The following CCDC15 variants were observed in gnomAD, a reference collection of about 807,000 sequenced individuals.
The protein encoded by CCDC15 is coiled-coil domain-containing protein 15.
CCDC15 carries 105 observed loss-of-function variants against 114.5 expected under a neutral mutation model. That is an observed-to-expected ratio of 0.92 (90% CI 0.78 to 1.08). CCDC15 has a LOEUF of 1.08. Ranked by LOEUF, CCDC15 falls within the 50% of genes least tolerant of loss-of-function variation. CCDC15 has a pLI of 0.00. For missense variants in CCDC15, 1,105 were observed against 1,093.6 expected (o/e 1.01, Z -0.15); for synonymous variants, 334 against 377.8 (o/e 0.88, Z 1.34).
chr11:124,984,835 C>G (rs1203742361), intron 6 of CCDC15, among the ~76,000 whole-genome samples: 1 of 152,132 alleles, frequency 6.6e-6, no homozygotes, highest in African/African-American at 2.4e-5. Context: ...TGTGTCTTCC[C>G]TCTGTCCACT....
chr11:124,987,383 CAG>C lies in CCDC15; in HGVS notation c.1159_1160del (p.Glu387AsnfsTer12), dbSNP rs1385065742. The C allele has an allele frequency of 6.2e-7, 1 of 1,613,874 alleles. No homozygotes were observed. The highest frequency in any genetic ancestry group is 8.5e-7 in the Non-Finnish European group (1 of 1,179,896). ...GAGCCAGAAGGCCAGCCTATTAAGACAGAAACTCAGGGTATTATGCTGAAAGC... is the reference window on the plus strand; with the variant it reads ...GAGCCAGAAGGCCAGCCTATTAAGACAAACTCAGGGTATTATGCTGAAAGC... On this transcript the variant is annotated frameshift_variant, in exon 8 of 16. Coordinates refer to ENST00000344762, the MANE Select transcript of CCDC15 (RefSeq NM_025004.3). LOFTEE classifies it high-confidence loss of function.
intron 4 of CCDC15, among the ~76,000 whole-genome samples, chr11:124,974,757 G>T: frequency 6.6e-6 from 1 of 152,154 alleles, no homozygotes; most frequent in Non-Finnish European, 1.5e-5. Context: ...TGGATAGAAG[G>T]TAAGGAATGT....
chr11:124,996,140 C>T (rs1342292630), intron 11 of CCDC15, among the ~76,000 whole-genome samples: 2 of 151,974 alleles, frequency 1.3e-5, no homozygotes, highest in African/African-American at 4.8e-5. Context: ...CATCTTTTCA[C>T]CTTTTACGCT....
At chr11:124,986,712 C>CGG in intron 6 of CCDC15, 30 bp from the exon 7 acceptor site, 1 of 1,438,802 alleles carries the variant, frequency 7.0e-7, no homozygotes, top group South Asian at 1.4e-5. Flanking sequence ...CGCGCGCGCG[C>CGG]GTGCGCGTTT....
intron 13 of CCDC15, among the ~76,000 whole-genome samples, chr11:125,030,929 A>G (rs1031118999): frequency 6.6e-6 from 1 of 152,142 alleles, no homozygotes; most frequent in African/African-American, 2.4e-5. Flanking sequence ...CTCACATGGG[A>G]TACAAATATC....
chr11:125,030,167 A>G (rs892968255), intron 13 of CCDC15, among the ~76,000 whole-genome samples: 3 of 151,974 alleles, frequency 2.0e-5, no homozygotes, highest in African/African-American at 7.3e-5. Context: ...TGCTACTTCC[A>G]CCCCTTGATT....
intron 11 of CCDC15, among the ~76,000 whole-genome samples, chr11:124,994,357 A>G (rs775245428): frequency 1.3e-5 from 2 of 152,214 alleles, no homozygotes; most frequent in Non-Finnish European, 2.9e-5. Flanking sequence ...AGGCTGATCA[A>G]GAAGCACATT....
intron 4 of CCDC15, 125 bp downstream of exon 4, chr11:124,960,128 C>T (rs1020122953): frequency 5.7e-6 from 3 of 521,872 alleles, no homozygotes; most frequent in Non-Finnish European, 8.6e-6. Flanking sequence ...TTTTGATAAT[C>T]ATCCCCCTTT....
intron 4 of CCDC15, among the ~76,000 whole-genome samples, chr11:124,968,744 G>A (rs777153991): frequency 3.3e-5 from 5 of 152,130 alleles, no homozygotes; most frequent in Admixed American, 6.5e-5. Flanking sequence ...CGTCGATCAC[G>A]CTGGGAGCTG....
In CCDC15 at chr11:124,954,380, C is replaced by T. The variant is rs1313308792; in HGVS notation, c.-10+10C>T. On this transcript the variant is annotated intron_variant, in intron 1 of 15. Coordinates refer to ENST00000344762, the MANE Select transcript of CCDC15 (RefSeq NM_025004.3). ...TCGGCTGCAGACACAGGTCCCCGCC[C>T]CTCCCTCTTTCTCCGGGTTGCAGCT... 4 of 197,466 alleles carry T rather than the reference C, an allele frequency of 2.0e-5. No homozygotes were observed. The highest frequency in any genetic ancestry group is 3.2e-5 in the Non-Finnish European group (3 of 94,140). The allele number at this position is 197,466 out of a possible 1,614,324, so 12.2% of individuals were successfully genotyped here.
At chr11:124,957,863 G>A (rs940744705) in intron 2 of CCDC15, among the ~76,000 whole-genome samples, 2 of 152,188 alleles carry the variant, frequency 1.3e-5, no homozygotes, top group African/African-American at 4.8e-5. Context: ...CACTGAGTTA[G>A]AAGGAATAGG....
intron 13 of CCDC15, among the ~76,000 whole-genome samples, chr11:125,010,912 T>C (rs574684997): frequency 2.6e-4 from 40 of 152,290 alleles, no homozygotes; most frequent in African/African-American, 8.2e-4. Flanking sequence ...CTTCTAGGAT[T>C]TTCATAGTTT....
At chr11:125,023,261 T>C (rs914340033) in intron 13 of CCDC15, among the ~76,000 whole-genome samples, 3 of 152,038 alleles carry the variant, frequency 2.0e-5, no homozygotes, top group African/African-American at 7.2e-5. Context: ...ATTGCCTTTC[T>C]GTGTTTGTCA....
chr11:124,985,332 T>G (rs111658359), intron 6 of CCDC15, among the ~76,000 whole-genome samples: 1 of 152,234 alleles, frequency 6.6e-6, no homozygotes, highest in Non-Finnish European at 1.5e-5. Context: ...GTACACATTT[T>G]TGTGTGGACA....
In CCDC15 at chr11:125,025,057, T is replaced by TATATATATGA. The variant is rs1372165836; in HGVS notation, c.2412-13367_2412-13358dup. 4.6e-4 allele frequency among the ~76,000 whole-genome samples: 48 copies of TATATATATGA among 104,874 alleles called. 4 individuals carry two copies. Among genetic ancestry groups the TATATATATGA allele is most frequent in the South Asian group, 1.0e-3 (4 of 3,966 alleles). 68.8% of individuals were successfully genotyped at this position (104,874 alleles called of 152,430 possible). A position where few individuals can be genotyped will look rare whatever the true frequency, so the allele number is the denominator to read the frequency against. Reference sequence around the variant, plus strand: ...ATGAATACATATGAATATATATGAATATATATATGAATATATGAATATATA... The same window carrying TATATATATGA: ...ATGAATACATATGAATATATATGAATATATATATGAATATATATGAATATATGAATATATA... On this transcript the variant is annotated intron_variant, in intron 13 of 15. Coordinates refer to ENST00000344762, the MANE Select transcript of CCDC15 (RefSeq NM_025004.3).
chr11:125,032,968 G>A lies in CCDC15; in HGVS notation c.2412-5463G>A, dbSNP rs1157431357. The stretch of plus-strand genomic sequence containing the variant: ...ACGTCTGATTGTTTCCCTTTTCCCA[G>A]TGCACAGTTACCCTGGTAAAGTCCG... On this transcript the variant is annotated intron_variant, in intron 13 of 15. Transcript: ENST00000344762. Among the ~76,000 whole-genome samples the A allele has an allele frequency of 2.0e-5, 3 of 152,322 alleles. No homozygotes were observed. In the East Asian group the frequency reaches 5.8e-4, roughly 29 times the overall value.
At chr11:124,966,853 T>C (rs1033506747) in intron 4 of CCDC15, among the ~76,000 whole-genome samples, 1 of 152,348 alleles carries the variant, frequency 6.6e-6, no homozygotes, top group Admixed American at 6.5e-5. Context: ...AGAAAATCTC[T>C]CAGCATTTGC....
chr11:125,003,173 TA>T (rs935116095), intron 11 of CCDC15, among the ~76,000 whole-genome samples: 1 of 152,062 alleles, frequency 6.6e-6, no homozygotes, highest in African/African-American at 2.4e-5. Flanking sequence ...AATTTTTTCT[TA>T]ATTTACTTTC....
Position 124,964,428 on chromosome 11 carries a change from A to G in CCDC15, c.516+4425A>G, listed in dbSNP as rs1257442157. On this transcript the variant is annotated intron_variant, in intron 4 of 15. Transcript: ENST00000344762. ...AGCAGTTGTGAATGGGAGTTCACTC[A>G]TGATTTGGCTGTTTGTCTGTTATTG... Among the ~76,000 whole-genome samples the G allele has an allele frequency of 2.0e-5, 3 of 152,170 alleles. No individual in the cohort carries two copies. In the East Asian group the frequency reaches 5.8e-4, roughly 29 times the overall value.
Sources: allele counts gnomAD v4.1 joint callset (sites outside exome capture counted in the v4.1 genomes callset), GRCh38; gene constraint gnomAD v4.1.1; transcripts MANE v1.5; gene names NCBI Gene and HGNC (gene_info 2026-07-23, HGNC 2026-07-21).